Variants in RSRC2 observed in about 807,000 individuals in gnomAD.
The protein encoded by RSRC2 is arginine/serine-rich coiled-coil protein 2.
A neutral mutation model predicts 61.3 loss-of-function variants in RSRC2; 5 were observed. That is an observed-to-expected ratio of 0.08 (90% CI 0.04 to 0.17). The LOEUF (loss-of-function observed/expected upper bound fraction) is 0.17, where lower values mean the gene tolerates loss of function less well. RSRC2 is among the 10% of genes least tolerant of loss of function. The pLI, the probability that RSRC2 is intolerant of heterozygous loss-of-function variation, is 1.00. For missense variants in RSRC2, 381 were observed against 518.8 expected (o/e 0.73, Z 2.58); for synonymous variants, 202 against 166.5 (o/e 1.21, Z -1.64).
At chr12:122,508,137 A>T (rs191240506) in intron 8 of RSRC2, 81 bp downstream of exon 8, 7 of 1,298,542 alleles carry the variant, frequency 5.4e-6, no homozygotes, top group South Asian at 1.2e-5. Context: ...GCCGAAAGTA[A>T]TATTTTTCAA....
At chr12:122,512,778 A>G (rs1958623121) in intron 6 of RSRC2, among the ~76,000 whole-genome samples, 1 of 152,128 alleles carries the variant, frequency 6.6e-6, no homozygotes, top group Non-Finnish European at 1.5e-5. Context: ...AATTTACATA[A>G]AAGAAATATA....
At chr12:122,512,719 T>G (rs1045258187) in intron 6 of RSRC2, among the ~76,000 whole-genome samples, 2 of 143,126 alleles carry the variant, frequency 1.4e-5, no homozygotes, top group African/African-American at 5.2e-5. Flanking sequence ...GCAACAAGAC[T>G]TCATCTCAAA....
At chr12:122,522,017 T>C in intron 2 of RSRC2, 126 bp downstream of exon 2, 6 of 976,760 alleles carry the variant, frequency 6.1e-6, no homozygotes, top group Non-Finnish European at 9.0e-6. Context: ...CCTCCCAAAG[T>C]GCTGGCATTA....
intron 7 of RSRC2, among the ~76,000 whole-genome samples, chr12:122,510,495 C>T (rs1367209876): frequency 1.3e-5 from 2 of 152,150 alleles, no homozygotes; most frequent in Non-Finnish European, 2.9e-5. Context: ...CGCCACTGCA[C>T]TCCAGCCTGG....
rs1958267559 is a variant in RSRC2 at position 122,508,493 on chromosome 12, C to G, written c.806-46G>C. On this transcript the variant is annotated intron_variant, in intron 7 of 9. Transcript: ENST00000331738. ...AATGGATTTTAAAACGATTTTAAAA[C>G]ATAAACCTCCTGATTTACATTAACG... 3 of 1,393,718 alleles carry G rather than the reference C, an allele frequency of 2.2e-6. No individual in the cohort carries two copies. The Admixed American group carries it at 6.0e-5, about 28-fold the overall frequency. 86.3% of individuals were successfully genotyped at this position (1,393,718 alleles called of 1,614,324 possible). A position where few individuals can be genotyped will look rare whatever the true frequency, so the allele number is the denominator to read the frequency against.
intron 1 of RSRC2, among the ~76,000 whole-genome samples, chr12:122,524,714 T>C (rs141372134): frequency 6.6e-6 from 1 of 152,334 alleles, no homozygotes; most frequent in East Asian, 1.9e-4. Context: ...TGGAAAACTT[T>C]TATTTCCCTG....
intron 4 of RSRC2, among the ~76,000 whole-genome samples, chr12:122,517,801 C>G (rs941429890): frequency 6.6e-6 from 1 of 151,908 alleles, no homozygotes; most frequent in African/African-American, 2.4e-5. Flanking sequence ...CAAAAAAAAC[C>G]CCACCAAAAA....
intron 7 of RSRC2, among the ~76,000 whole-genome samples, chr12:122,510,153 C>T (rs1384931294): frequency 2.6e-5 from 4 of 151,854 alleles, no homozygotes; most frequent in Non-Finnish European, 4.4e-5. Flanking sequence ...ATGTTTGTTA[C>T]GCATAAAAAC....
At chr12:122,512,514 G>A (rs1023882900) in intron 6 of RSRC2, among the ~76,000 whole-genome samples, 4 of 152,086 alleles carry the variant, frequency 2.6e-5, no homozygotes. Flanking sequence ...GATCACCTGA[G>A]GTCAGGAGTT....
Position 122,526,877 on chromosome 12 carries a change from G to A in RSRC2, c.-24C>T. ...ATAGTTCAGAGTCCCGGCCGCTAGAGCGGCGCCTCCACTTGTCGCTTTCAA... is the reference window on the plus strand; with the variant it reads ...ATAGTTCAGAGTCCCGGCCGCTAGAACGGCGCCTCCACTTGTCGCTTTCAA... On this transcript the variant is annotated 5_prime_UTR_variant, in exon 1 of 10. Coordinates refer to ENST00000331738, the MANE Select transcript of RSRC2 (RefSeq NM_023012.6). The A allele has an allele frequency of 1.2e-6, 2 of 1,614,154 alleles. No individual in the cohort carries two copies. The highest frequency in any genetic ancestry group is 1.7e-6 in the Non-Finnish European group (2 of 1,179,952).
chr12:122,509,473 CA>C (rs555748068), intron 7 of RSRC2, among the ~76,000 whole-genome samples: 1 of 148,500 alleles, frequency 6.7e-6, no homozygotes, highest in Middle Eastern at 3.4e-3. Flanking sequence ...AAAACAAAAA[CA>C]AAAAAAAACC....
At chr12:122,525,562 G>A (rs1423633561) in intron 1 of RSRC2, among the ~76,000 whole-genome samples, 1 of 152,106 alleles carries the variant, frequency 6.6e-6, no homozygotes, top group Non-Finnish European at 1.5e-5. Flanking sequence ...CAATCGTTAG[G>A]AAGAGCAAAC....
Position 122,517,218 on chromosome 12 carries a change from G to T in RSRC2, c.602+9C>A. On this transcript the variant is annotated intron_variant, in intron 5 of 9. Transcript: ENST00000331738. ...CTATTAAATTTTATTCAGGATGATG[G>T]TCACCTACCGACTCCTACTCCTTGT... The T allele has an allele frequency of 6.2e-7, 1 of 1,614,004 alleles. No individual in the cohort carries two copies.
chr12:122,503,663 TGAAG>T lies in RSRC2; in HGVS notation c.*1860_*1863del, dbSNP rs543629564. ...TTGAAAAATGTTGATGATCACGAAA[TGAAG>T]GATCCATAGTGTCATTTCCTTAGAA... On this transcript the variant is annotated 3_prime_UTR_variant, in exon 10 of 10. Transcript: ENST00000331738. The T allele has an allele frequency of 1.7e-3, 255 of 152,302 alleles. No individual in the cohort carries two copies. Among genetic ancestry groups the T allele is most frequent in the African/African-American group, 5.7e-3 (239 of 41,570 alleles). 9.4% of individuals were successfully genotyped at this position (152,302 alleles called of 1,614,324 possible).
intron 5 of RSRC2, 83 bp downstream of exon 5, chr12:122,517,144 A>T: frequency 6.3e-7 from 1 of 1,581,770 alleles, no homozygotes; most frequent in Non-Finnish European, 8.6e-7. Context: ...TGTGACTCAC[A>T]ATTTTAATAC....
chr12:122,518,999 A>T lies in RSRC2; in HGVS notation c.238T>A (p.Ser80Thr). ...TGTTCCTCAGACTTATGTTTCTTAG[A>T]GGATTTATCTTTGGATTCATGTCTT... ...GRRHESKDKS[S>T]KKHKSEEHND... The change falls in exon 4 of 10, where the codon TCT becomes ACT. Residue 80 changes from serine (S) to threonine (T), a missense_variant. This residue lies in a region of RSRC2 where 266 missense variants were observed against 270.5 expected (regional missense o/e 0.98). Transcript: ENST00000331738. The T allele has an allele frequency of 6.2e-7, 1 of 1,613,698 alleles. No homozygotes were observed. Among genetic ancestry groups the T allele is most frequent in the Non-Finnish European group, 8.5e-7 (1 of 1,179,866 alleles).
chr12:122,514,264 G>GTTT (rs1362127884), intron 6 of RSRC2, among the ~76,000 whole-genome samples: 1 of 114,766 alleles, frequency 8.7e-6, no homozygotes, highest in Non-Finnish European at 2.0e-5. Context: ...GTGTGTGTGT[G>GTTT]TGTGTGTTTT....
At position 122,508,381 on chromosome 12, in the gene RSRC2, GGTGTTACTT is replaced by G; in HGVS notation, c.863_871del (p.Gln288_Thr290del). 6.2e-7 allele frequency: 1 copy of G among 1,614,186 alleles called. No homozygotes were observed. Among genetic ancestry groups the G allele is most frequent in the South Asian group, 1.1e-5 (1 of 91,088 alleles). The stretch of plus-strand genomic sequence containing the variant: ...CATCTGAGCTGCCATGGCTATCTGA[GGTGTTACTT>G]GTGTTCCTGATGCCAACAGGGCAGC... On this transcript the variant is annotated inframe_deletion, in exon 8 of 10. Transcript: ENST00000331738.
chr12:122,517,512 G>A, intron 4 of RSRC2, 82 bp from the exon 5 acceptor site: 1 of 1,543,730 alleles, frequency 6.5e-7, no homozygotes, highest in Non-Finnish European at 8.9e-7. Context: ...GTTACTTGTA[G>A]TAACGCAATA....
Sources: gnomAD v4.1 joint callset for allele counts (sites outside exome capture counted in the v4.1 genomes callset) on GRCh38, gnomAD v4.1.1 for gene constraint, gnomAD v4.1.1 regional missense constraint, MANE v1.5 for transcripts, NCBI Gene and HGNC (gene_info 2026-07-23, HGNC 2026-07-21) for gene names.